The following FANCC variants were observed in gnomAD, a reference collection of about 807,000 sequenced individuals.
FANCC encodes the protein FA complementation group C.
In FANCC, 55 loss-of-function variants were observed where a neutral mutation model predicts 71.3. The ratio of observed to expected loss-of-function variants is 0.77; its 90% CI spans 0.62 to 0.97. FANCC has a LOEUF of 0.97. Ranked by LOEUF, FANCC falls within the 50% of genes least tolerant of loss-of-function variation. The pLI, the probability that FANCC is intolerant of heterozygous loss-of-function variation, is 0.00. For synonymous variants in FANCC, 275 were observed against 244.9 expected (o/e 1.12, Z -1.15); for missense variants, 678 against 670.9 (o/e 1.01, Z -0.12).
intron 1 of FANCC, among the ~76,000 whole-genome samples, chr9:95,267,071 C>G (rs1027321349): frequency 2.6e-5 from 4 of 152,090 alleles, no homozygotes; most frequent in African/African-American, 4.8e-5. Context: ...GGCAAGACCC[C>G]GAGGACAAAA....
At chr9:95,220,853 A>G (rs1829209788) in intron 4 of FANCC, among the ~76,000 whole-genome samples, 1 of 152,054 alleles carries the variant, frequency 6.6e-6, no homozygotes, top group Non-Finnish European at 1.5e-5. Flanking sequence ...TGTACCCTAG[A>G]ACTTAAGGCA....
At chr9:95,262,523 A>G (rs1426111838) in intron 1 of FANCC, among the ~76,000 whole-genome samples, 1 of 152,212 alleles carries the variant, frequency 6.6e-6, no homozygotes, top group East Asian at 1.9e-4. Flanking sequence ...CACTGCTGGT[A>G]GGAATGTAAA....
At chr9:95,241,668 T>C (rs1468812275) in intron 3 of FANCC, among the ~76,000 whole-genome samples, 1 of 152,124 alleles carries the variant, frequency 6.6e-6, no homozygotes, top group Admixed American at 6.5e-5. Flanking sequence ...CCAATCTTTC[T>C]CTTTTTTTTG....
chr9:95,279,022 T>TA (rs767388721), intron 1 of FANCC, among the ~76,000 whole-genome samples: 119 of 150,286 alleles, frequency 7.9e-4, no homozygotes, highest in East Asian at 2.2e-3. Flanking sequence ...TACAAAAAAA[T>TA]AAAAAAAATT....
rs560502946 is a variant in FANCC, at chr9:95,213,219, C to T, written c.345+27430G>A. Among the ~76,000 whole-genome samples the T allele has an allele frequency of 5.3e-5, 8 of 152,134 alleles. No homozygotes were observed. In the South Asian group the frequency reaches 1.5e-3, roughly 28 times the overall value. ...ATATGGGGGTCACAATTGTGGCTCA[C>T]ATTATATTTCTATAGGACACTGCTG... On this transcript the variant is annotated intron_variant, in intron 4 of 14. Transcript: ENST00000289081.
intron 4 of FANCC, among the ~76,000 whole-genome samples, chr9:95,234,883 A>C (rs1830212030): frequency 6.6e-6 from 1 of 152,140 alleles, no homozygotes; most frequent in African/African-American, 2.4e-5. Flanking sequence ...CTCAGTTTAA[A>C]AGCTTTCAGG....
At chr9:95,112,817 G>A (rs2072057578) in intron 12 of FANCC, among the ~76,000 whole-genome samples, 1 of 152,234 alleles carries the variant, frequency 6.6e-6, no homozygotes, top group African/African-American at 2.4e-5. Flanking sequence ...ATGGCTCCAA[G>A]GTCTGGATTG....
chr9:95,104,362 G>GTCTGCTCTGGGAATGGGCT (rs1445860326), intron 14 of FANCC, among the ~76,000 whole-genome samples: 30 of 152,224 alleles, frequency 2.0e-4, no homozygotes, highest in African/African-American at 6.8e-4. Context: ...CCACACTGGC[G>GTCTGCTCTGGGAATGGGCT]TCTGCTCTGG....
chr9:95,309,166 T>C (rs976873976), intron 1 of FANCC, among the ~76,000 whole-genome samples: 3 of 152,234 alleles, frequency 2.0e-5, no homozygotes, highest in Non-Finnish European at 2.9e-5. Flanking sequence ...AAAATACTTA[T>C]CATCAAGCAA....
At chr9:95,208,837 T>C (rs577526110) in intron 4 of FANCC, among the ~76,000 whole-genome samples, 1 of 152,346 alleles carries the variant, frequency 6.6e-6, no homozygotes, top group East Asian at 1.9e-4. Context: ...TGGCAGTTTC[T>C]TATAAAACTA....
intron 1 of FANCC, among the ~76,000 whole-genome samples, chr9:95,283,404 G>C (rs1010852354): frequency 6.6e-6 from 1 of 152,184 alleles, no homozygotes; most frequent in Non-Finnish European, 1.5e-5. Flanking sequence ...CATTTAGCCT[G>C]CCATTTCTGC....
At chr9:95,175,459 G>A (rs188893156) in intron 4 of FANCC, among the ~76,000 whole-genome samples, 23 of 152,254 alleles carry the variant, frequency 1.5e-4, no homozygotes, top group African/African-American at 5.5e-4. Flanking sequence ...GCTTGTTATT[G>A]TTTTTTCCCT....
At position 95,157,392 on chromosome 9, in the gene FANCC, C is replaced by A. The variant is rs138519336; in HGVS notation, c.522-7305G>T. Among the ~76,000 whole-genome samples, 2 of 152,322 alleles carry A rather than the reference C, an allele frequency of 1.3e-5. 1 individual carries two copies. Among genetic ancestry groups the A allele is most frequent in the Non-Finnish European group, 2.9e-5 (2 of 68,032 alleles). ...TTCACTTGCCACCAAGTAAAGTCAACAATTCAGTGACAGAATGTTTAAATT... is the reference window on the plus strand; with the variant it reads ...TTCACTTGCCACCAAGTAAAGTCAAAAATTCAGTGACAGAATGTTTAAATT... On this transcript the variant is annotated intron_variant, in intron 6 of 14. Transcript: ENST00000289081.
chr9:95,170,063 T>C (rs1825565877), intron 6 of FANCC, among the ~76,000 whole-genome samples: 1 of 152,228 alleles, frequency 6.6e-6, no homozygotes, highest in African/African-American at 2.4e-5. Context: ...TGATGCATAT[T>C]TTGGGAGTTT....
chr9:95,315,178 C>G (rs1462154038), intron 1 of FANCC, among the ~76,000 whole-genome samples: 1 of 152,300 alleles, frequency 6.6e-6, no homozygotes, highest in Non-Finnish European at 1.5e-5. Context: ...GGAGGTAAAA[C>G]CATTGCCTGC....
chr9:95,117,257 T>G, intron 11 of FANCC, 58 bp downstream of exon 11: 1 of 1,498,840 alleles, frequency 6.7e-7, no homozygotes, highest in Non-Finnish European at 9.3e-7. Flanking sequence ...AGGTCATAAT[T>G]TGACAATGCT....
chr9:95,246,581 C>G (rs1830992990), intron 3 of FANCC, among the ~76,000 whole-genome samples: 3 of 152,138 alleles, frequency 2.0e-5, no homozygotes, highest in African/African-American at 7.2e-5. Context: ...GGCCCTAGGA[C>G]AACAAAGAGA....
At chr9:95,159,857 CA>C (rs1254421810) in intron 6 of FANCC, among the ~76,000 whole-genome samples, 1 of 152,114 alleles carries the variant, frequency 6.6e-6, no homozygotes. Context: ...ATTTTTTGCC[CA>C]ATTTTTGATG....
intron 7 of FANCC, among the ~76,000 whole-genome samples, chr9:95,136,922 C>G (rs536793821): frequency 6.6e-6 from 1 of 152,214 alleles, no homozygotes; most frequent in East Asian, 1.9e-4. Flanking sequence ...GCCCCAACTG[C>G]TGGCTCTGGG....
Sources: gnomAD v4.1 joint callset for allele counts (sites outside exome capture counted in the v4.1 genomes callset) on GRCh38, gnomAD v4.1.1 for gene constraint, MANE v1.5 for transcripts, NCBI Gene and HGNC (gene_info 2026-07-23, HGNC 2026-07-21) for gene names.